Variants in PARVB observed in about 807,000 individuals in gnomAD.
The protein encoded by PARVB is beta-parvin.
Under a neutral mutation model 47.0 loss-of-function variants are expected in PARVB, and 46 were observed. The ratio of observed to expected loss-of-function variants is 0.98; its 90% CI spans 0.77 to 1.25. The LOEUF (loss-of-function observed/expected upper bound fraction) is 1.25. PARVB is among the 50% of genes most tolerant of loss of function. The pLI, the probability that PARVB is intolerant of heterozygous loss-of-function variation, is 0.00. For missense variants in PARVB, 473 were observed against 471.6 expected (o/e 1.00, Z -0.03); for synonymous variants, 196 against 196.3 (o/e 1.00, Z 0.01).
Position 44,042,300 on chromosome 22 carries a change from A to G in PARVB, c.112+17849A>G, listed in dbSNP as rs183618966. Among the ~76,000 whole-genome samples, 40 of 152,278 alleles carry G rather than the reference A, an allele frequency of 2.6e-4. 1 individual carries two copies. The highest frequency in any genetic ancestry group is 1.0e-3 in the South Asian group (5 of 4,812). On this transcript the variant is annotated intron_variant, in intron 1 of 12. Transcript: ENST00000338758. ...GCCAGGCCTGGTGGTGGGTGCCTGT[A>G]ATCCCAGCTGCTCAGGAGGCTGAGG... is the stretch of plus-strand genomic sequence containing the variant.
rs533371515 is a variant in PARVB at position 44,172,904 on chromosome 22, A to G, written c.*4226A>G. The G allele has an allele frequency of 1.1e-3, 1,208 of 1,108,618 alleles. No individual in the cohort carries two copies. Among genetic ancestry groups the G allele is most frequent in the Non-Finnish European group, 1.4e-3 (1,129 of 833,218 alleles). 68.7% of individuals were successfully genotyped at this position (1,108,618 alleles called of 1,614,324 possible). ...GGACAATGCCACGTGGCGTCACAGT[A>G]TGCTGTTATTTATTCCAATAAAGAC... On this transcript the variant is annotated 3_prime_UTR_variant, in exon 13 of 13. Transcript: ENST00000338758.
intron 3 of PARVB, chr22:44,114,760 G>A (rs1404998268): frequency 8.3e-6 from 1 of 120,154 alleles, no homozygotes; most frequent in African/African-American, 3.3e-5. Flanking sequence ...TGTTACTAAG[G>A]CCCTGCACCA....
chr22:44,132,823 C>A, intron 5 of PARVB, 71 bp from the exon 6 acceptor site: 1 of 948,760 alleles, frequency 1.1e-6, no homozygotes, highest in Non-Finnish European at 1.7e-6. Flanking sequence ...GTCTCTGTTG[C>A]CTTCTGCACG....
intron 1 of PARVB, among the ~76,000 whole-genome samples, chr22:44,079,184 C>T (rs2051844057): frequency 6.6e-6 from 1 of 152,102 alleles, no homozygotes. Flanking sequence ...CTTGGTCCAC[C>T]ATAGATGGGT....
chr22:44,158,194 G>GC, intron 11 of PARVB, 111 bp downstream of exon 11: 1 of 688,452 alleles, frequency 1.5e-6, no homozygotes. Context: ...TCTTCAGAAA[G>GC]TAAAAAATGC....
chr22:44,072,795 A>G (rs1008512937), intron 1 of PARVB, among the ~76,000 whole-genome samples: 15 of 152,128 alleles, frequency 9.9e-5, no homozygotes, highest in African/African-American at 3.4e-4. Flanking sequence ...GCTACAGGAT[A>G]GCCCAGAAGA....
At position 44,012,103 on chromosome 22, in the gene PARVB, G is replaced by T. The variant is rs186112865; in HGVS notation, c.211+12430G>T. On this transcript the variant is annotated intron_variant, in intron 2 of 13. Coordinates refer to the PARVB transcript ENST00000406477. ...GGTCAGAGGGGAGTCTTTTTTTAAA[G>T]GGGGCATAATCTTTGGGGGACTTTC... Among the ~76,000 whole-genome samples the T allele has an allele frequency of 2.9e-3, 434 of 152,272 alleles. 4 individuals are homozygous for T. The highest frequency in any genetic ancestry group is 1.0e-2 in the African/African-American group (415 of 41,564).
chr22:44,117,573 A>T (rs2052937809), intron 3 of PARVB, among the ~76,000 whole-genome samples: 1 of 152,186 alleles, frequency 6.6e-6, no homozygotes, highest in Non-Finnish European at 1.5e-5. Context: ...CCACAGGGCC[A>T]TGCACCTCTC....
chr22:44,114,062 A>G (rs2052788550), intron 3 of PARVB: 1 of 103,912 alleles, frequency 9.6e-6, no homozygotes, highest in Admixed American at 8.8e-5. Context: ...ACCAACACAG[A>G]TACATTGTTA....
At position 44,125,124 on chromosome 22, in the gene PARVB, G is replaced by A. The variant is rs2053159501; in HGVS notation, c.376+5984G>A. On this transcript the variant is annotated intron_variant, in intron 4 of 12. Coordinates refer to ENST00000338758, the MANE Select transcript of PARVB (RefSeq NM_013327.5). The surrounding 1 kb of genome is among the most constrained non-coding windows in gnomAD (Gnocchi z 4.1). Reference sequence around the variant, plus strand: ...CATAACTCACTCTGAAGGACACAGTGATGCTTGGACCACATTGTTTGTCCT... The same window carrying A: ...CATAACTCACTCTGAAGGACACAGTAATGCTTGGACCACATTGTTTGTCCT... Among the ~76,000 whole-genome samples, 1 of 152,174 alleles carries A rather than the reference G, an allele frequency of 6.6e-6. No individual in the cohort carries two copies. Among genetic ancestry groups the A allele is most frequent in the South Asian group, 2.1e-4 (1 of 4,830 alleles).
At chr22:44,141,540 G>C (rs564025789) in intron 8 of PARVB, 1 of 152,198 alleles carries the variant, frequency 6.6e-6, no homozygotes, top group Non-Finnish European at 1.5e-5. Flanking sequence ...CTGGATTAAG[G>C]GTGGTCTGCC....
chr22:44,140,422 C>T, intron 8 of PARVB: 1 of 714,824 alleles, frequency 1.4e-6, no homozygotes, highest in Non-Finnish European at 2.6e-6. Context: ...GGATGTAACA[C>T]TGGCTGGAAC....
At chr22:44,047,164 AGAGGTT>A (rs1186109787) in intron 1 of PARVB, among the ~76,000 whole-genome samples, 2 of 152,152 alleles carry the variant, frequency 1.3e-5, no homozygotes, top group Non-Finnish European at 2.9e-5. Context: ...CATAAAGAAA[AGAGGTT>A]TACTTGGCTC....
intron 8 of PARVB, chr22:44,145,601 G>C (rs1438614240): frequency 6.6e-6 from 1 of 152,336 alleles, no homozygotes; most frequent in East Asian, 1.9e-4. Flanking sequence ...GGGGGCCCTG[G>C]GTCCCTTCCA....
At chr22:44,145,802 A>G (rs2053651412) in intron 8 of PARVB, 1 of 152,156 alleles carries the variant, frequency 6.6e-6, no homozygotes, top group Non-Finnish European at 1.5e-5. Flanking sequence ...TGGCCCAGCT[A>G]AATATACCCT....
chr22:44,021,736 CTG>C (rs2050649984), upstream of PARVB, among the ~76,000 whole-genome samples: 1 of 145,952 alleles, frequency 6.9e-6, no homozygotes, highest in Middle Eastern at 3.2e-3. Context: ...TCCAACATGA[CTG>C]TGTCCCTGTA....
intron 1 of PARVB, among the ~76,000 whole-genome samples, chr22:44,062,834 C>T (rs988676072): frequency 1.9e-4 from 29 of 151,248 alleles, no homozygotes; most frequent in African/African-American, 6.3e-4. Flanking sequence ...TGTGTTTACC[C>T]ACCCGGAAGC....
At chr22:44,136,421 C>T (rs1426828560) in intron 6 of PARVB, 39 bp from the exon 7 acceptor site, 1 of 1,588,740 alleles carries the variant, frequency 6.3e-7, no homozygotes, top group Non-Finnish European at 8.6e-7. Flanking sequence ...CCTCAACTCT[C>T]CACTGCCTGA....
chr22:44,003,833 C>T, intron 2 of PARVB, among the ~76,000 whole-genome samples: 1 of 152,194 alleles, frequency 6.6e-6, no homozygotes, highest in East Asian at 1.9e-4. Flanking sequence ...GTTTACCCTC[C>T]TCTTTAGCCC....
Sources: gnomAD v4.1 joint callset for allele counts (sites outside exome capture counted in the v4.1 genomes callset) on GRCh38, gnomAD v4.1.1 for gene constraint, Gnocchi (gnomAD v3.1) non-coding constraint, MANE v1.5 for transcripts, NCBI Gene and HGNC (gene_info 2026-07-23, HGNC 2026-07-21) for gene names.